DGKZ: variants seen among roughly 807,000 people sequenced by gnomAD.
DGKZ encodes the protein diacylglycerol kinase zeta.
Under a neutral mutation model 142.5 loss-of-function variants are expected in DGKZ, and 45 were observed. That is an observed-to-expected ratio of 0.32 (90% CI 0.25 to 0.40). DGKZ has a LOEUF of 0.40. DGKZ is among the 10% of genes least tolerant of loss of function. The pLI is 1.00. For missense variants in DGKZ, 755 were observed against 1,306.5 expected, an observed-to-expected ratio of 0.58 and a Z score of 6.51; for synonymous variants, 442 against 527.0, an observed-to-expected ratio of 0.84 and a Z score of 2.21.
At position 46,377,068 on chromosome 11, in the gene DGKZ, C is replaced by A. The variant is rs143434860; in HGVS notation, c.2203-5C>A. On this transcript the variant is annotated splice_region_variant and splice_polypyrimidine_tract_variant and intron_variant, in intron 24 of 30. Transcript: ENST00000527911. The stretch of plus-strand genomic sequence containing the variant: ...CTGACCTCCCGCCCTGACCTCCCCC[C>A]ACAGGAGCACCTCAACTATGTGACT... 188 of 1,612,778 alleles carry A rather than the reference C, an allele frequency of 1.2e-4. No individual in the cohort carries two copies. The highest frequency in any genetic ancestry group is 9.8e-4 in the South Asian group (89 of 91,058).
At chr11:46,364,765 C>T (rs746418181) in intron 1 of DGKZ, 2 of 985,456 alleles carry the variant, frequency 2.0e-6, no homozygotes, top group Non-Finnish European at 2.4e-6. Context: ...TTCATCCTTC[C>T]TCCTGCCCAA....
chr11:46,376,947 C>T (rs1009524838), intron 24 of DGKZ, 126 bp from the exon 25 acceptor site: 14 of 851,842 alleles, frequency 1.6e-5, no homozygotes, highest in South Asian at 1.3e-4. Context: ...GGCAGGGCCC[C>T]TTGCCTGGCC....
intron 14 of DGKZ, among the ~76,000 whole-genome samples, chr11:46,373,604 TCTC>T (rs1310410785): frequency 6.6e-6 from 1 of 152,000 alleles, no homozygotes; most frequent in Non-Finnish European, 1.5e-5. Flanking sequence ...CTCAAGCTAT[TCTC>T]CTCCGTCAGC....
exon 19 of DGKZ, chr11:46,374,990 C>A: frequency 6.2e-7 from 1 of 1,612,604 alleles, no homozygotes; most frequent in Non-Finnish European, 8.5e-7. Flanking sequence ...GACTTTGAGC[C>A]CCAGCGGCAT....
chr11:46,357,373 AG>A (rs1395180955), intron 1 of DGKZ, among the ~76,000 whole-genome samples: 2 of 152,294 alleles, frequency 1.3e-5, no homozygotes, highest in Non-Finnish European at 2.9e-5. Flanking sequence ...CAGCCCAGAA[AG>A]GGGCCTCCAG....
Position 46,372,955 on chromosome 11 carries a change from C to T in DGKZ, c.1186-6C>T, listed in dbSNP as rs1450936879. The T allele has an allele frequency of 6.5e-7, 1 of 1,549,792 alleles. No individual in the cohort carries two copies. Among genetic ancestry groups the T allele is most frequent in the East Asian group, 2.4e-5 (1 of 41,066 alleles). On this transcript the variant is annotated splice_polypyrimidine_tract_variant and splice_region_variant and intron_variant, in intron 13 of 30. Transcript: ENST00000527911. The surrounding 1 kb of genome is among the most constrained non-coding windows in gnomAD (Gnocchi z 5.9). ...CAGAGGGCTCAGTCCCTGCCTGCTC[C>T]CCCAGGGCTACACAGATGAGCCTGT...
exon 1 of DGKZ, chr11:46,333,191 G>A: frequency 6.9e-6 from 8 of 1,166,874 alleles, no homozygotes; most frequent in Non-Finnish European, 8.6e-6. Context: ...CCCGCCTCGC[G>A]TCCCCGGCCC....
At chr11:46,379,841 C>A (rs770562531) in exon 31 of DGKZ, 13 of 1,609,954 alleles carry the variant, frequency 8.1e-6, no homozygotes, top group South Asian at 6.6e-5. Flanking sequence ...GGCGACACTC[C>A]CCGGCAGCGG....
In DGKZ at chr11:46,367,015, GGT is replaced by G. The variant is rs758377822; in HGVS notation, c.162-272_162-271del. The G allele has an allele frequency of 5.4e-5, 81 of 1,487,244 alleles. 3 individuals are homozygous for G. In the South Asian group the frequency reaches 1.0e-3, roughly 19 times the overall value. 92.1% of individuals were successfully genotyped at this position (1,487,244 alleles called of 1,614,324 possible). ...TATAGCTGTGGCCAGCAGGGCGAGTGGTGTGACCTCCTGTGGGTCTGGCCTGG... is the reference window on the plus strand; with the variant it reads ...TATAGCTGTGGCCAGCAGGGCGAGTGGTGACCTCCTGTGGGTCTGGCCTGG... On this transcript the variant is annotated intron_variant, in intron 1 of 30. Coordinates refer to ENST00000527911, the Ensembl canonical transcript of DGKZ. The surrounding 1 kb of genome is among the most constrained non-coding windows in gnomAD (Gnocchi z 4.1).
At chr11:46,378,014 A>C (rs1449874735) in intron 25 of DGKZ, 184 bp from the exon 26 acceptor site, 1 of 700,752 alleles carries the variant, frequency 1.4e-6, no homozygotes, top group Non-Finnish European at 2.4e-6. Context: ...TGTAAGCTCC[A>C]TGAGGGCAAG....
In DGKZ at chr11:46,372,915, G is replaced by T; in HGVS notation, c.1185+31G>T. On this transcript the variant is annotated intron_variant, in intron 13 of 30. Coordinates refer to ENST00000527911, the Ensembl canonical transcript of DGKZ. The surrounding 1 kb of genome is among the most constrained non-coding windows in gnomAD (Gnocchi z 5.9). Reference sequence around the variant, plus strand: ...CACCCATAGGAGGGGGGTGCAGCTGGGGCCTCTCCAGCCACAGAGGGCTCA... The same window carrying T: ...CACCCATAGGAGGGGGGTGCAGCTGTGGCCTCTCCAGCCACAGAGGGCTCA... 1 of 1,558,138 alleles carries T rather than the reference G, an allele frequency of 6.4e-7. No homozygotes were observed. The highest frequency in any genetic ancestry group is 8.7e-7 in the Non-Finnish European group (1 of 1,150,958).
chr11:46,358,513 T>C (rs1017995369), intron 1 of DGKZ, among the ~76,000 whole-genome samples: 1 of 152,284 alleles, frequency 6.6e-6, no homozygotes, highest in African/African-American at 2.4e-5. Context: ...TGACATGAGC[T>C]TGTCATTTCC....
chr11:46,358,279 A>G (rs1942266108), intron 1 of DGKZ, among the ~76,000 whole-genome samples: 1 of 152,018 alleles, frequency 6.6e-6, no homozygotes, highest in Admixed American at 6.6e-5. Context: ...TAAAGTCTAG[A>G]CCCTTGTGTA....
At chr11:46,364,849 G>A in intron 1 of DGKZ, 1 of 985,422 alleles carries the variant, frequency 1.0e-6, no homozygotes, top group Non-Finnish European at 1.2e-6. Flanking sequence ...TCTTCTGTCA[G>A]CCCCAGGCAG....
At position 46,367,234 on chromosome 11, in the gene DGKZ, G is replaced by A; in HGVS notation, c.162-57G>A. On this transcript the variant is annotated intron_variant, in intron 1 of 30. Transcript: ENST00000527911. This position sits in a 1 kb window ranked among gnomAD's most constrained non-coding sequence, Gnocchi z 4.1. ...AAAGGGCAGAGGCCCCAGGAGGTGG[G>A]AGGAAGTAGGGTCAGCAAGTGCTCA... 6.7e-7 allele frequency: 1 copy of A among 1,488,786 alleles called. No homozygotes were observed. The highest frequency in any genetic ancestry group is 9.2e-7 in the Non-Finnish European group (1 of 1,084,812). 92.2% of individuals were successfully genotyped at this position (1,488,786 alleles called of 1,614,324 possible).
At chr11:46,366,727 C>A (rs1050771470) in intron 1 of DGKZ, 4 of 1,553,622 alleles carry the variant, frequency 2.6e-6, no homozygotes, top group Middle Eastern at 1.7e-4. Context: ...CCCTACCCCG[C>A]TACCTGCGCC....
intron 22 of DGKZ, 82 bp downstream of exon 22, chr11:46,376,227 C>A: frequency 1.2e-6 from 2 of 1,605,768 alleles, no homozygotes; most frequent in Non-Finnish European, 1.7e-6. Context: ...GCAGCCAGCT[C>A]GCCCTGCGGA....
chr11:46,367,336 G>T lies in DGKZ; in HGVS notation c.207G>T (p.Pro69=), dbSNP rs758278027. ...GCCTCCAGCACCTGGCCCCCCCTCC[G>T]CCCACCCCTGGGGCCCCGTGCAGCG... is the stretch of plus-strand genomic sequence containing the variant. Residue 69 remains proline, a synonymous_variant, in exon 2 of 31, where the codon CCG becomes CCT. Coordinates refer to ENST00000527911, the Ensembl canonical transcript of DGKZ. This position sits in a 1 kb window ranked among gnomAD's most constrained non-coding sequence, Gnocchi z 4.1. The T allele has an allele frequency of 2.5e-6, 4 of 1,612,902 alleles. No homozygotes were observed. The East Asian group carries it at 8.9e-5, about 36-fold the overall frequency.
intron 1 of DGKZ, among the ~76,000 whole-genome samples, chr11:46,334,159 G>A (rs1186289820): frequency 6.6e-6 from 1 of 152,184 alleles, no homozygotes; most frequent in Non-Finnish European, 1.5e-5. Flanking sequence ...GGTCATTTTG[G>A]TGACCTGGGG....
Sources: allele counts gnomAD v4.1 joint callset (sites outside exome capture counted in the v4.1 genomes callset), GRCh38; gene constraint gnomAD v4.1.1; non-coding constraint Gnocchi (gnomAD v3.1); transcripts MANE v1.5; gene names NCBI Gene and HGNC (gene_info 2026-07-23, HGNC 2026-07-21).